The following ZNF385D variants were observed in gnomAD, a reference collection of about 807,000 sequenced individuals.
ZNF385D encodes zinc finger protein 659.
A neutral mutation model predicts 35.8 loss-of-function variants in ZNF385D; 15 were observed. The ratio of observed to expected loss-of-function variants is 0.42; its 90% CI spans 0.28 to 0.64. The LOEUF is 0.64. Ranked by LOEUF, ZNF385D falls within the 30% of genes least tolerant of loss-of-function variation. The probability of loss-of-function intolerance (pLI) is 0.23; values close to 1 mark genes in which losing one functional copy is unlikely to be tolerated. For synonymous variants in ZNF385D, 212 were observed against 186.8 expected (o/e 1.13, Z -1.10); for missense variants, 474 against 494.6 (o/e 0.96, Z 0.39).
intron 3 of ZNF385D, among the ~76,000 whole-genome samples, chr3:21,822,318 C>T (rs1045772144): frequency 2.9e-4 from 44 of 152,144 alleles, no homozygotes; most frequent in African/African-American, 9.6e-4. Context: ...GTGATTCACC[C>T]GCCTCAGCCT....
At chr3:21,747,660 A>C (rs1200087436) in intron 1 of ZNF385D, among the ~76,000 whole-genome samples, 1 of 152,146 alleles carries the variant, frequency 6.6e-6, no homozygotes, top group Non-Finnish European at 1.5e-5. Context: ...CACAGTTACA[A>C]CCTTCTGCCA....
At position 22,330,942 on chromosome 3, in the gene ZNF385D, T is replaced by C. The variant is rs952151055; in HGVS notation, c.106+41508A>G. On this transcript the variant is annotated intron_variant, in intron 2 of 5. Transcript: ENST00000494108. ...AGCCCAACTTTTGACTTGGCATGTCTTTCTGGGGTATGGCTATGTCCACCT... is the reference window on the plus strand; with the variant it reads ...AGCCCAACTTTTGACTTGGCATGTCCTTCTGGGGTATGGCTATGTCCACCT... Among the ~76,000 whole-genome samples the C allele has an allele frequency of 2.0e-5, 3 of 152,196 alleles. No homozygotes were observed. In the East Asian group the frequency reaches 5.8e-4, roughly 29 times the overall value.
chr3:22,290,156 C>T (rs1343196675), intron 2 of ZNF385D, among the ~76,000 whole-genome samples: 1 of 152,100 alleles, frequency 6.6e-6, no homozygotes, highest in Non-Finnish European at 1.5e-5. Context: ...TGTGAGGAAA[C>T]TTAGAGTGCT....
At chr3:21,511,142 C>T (rs1013894317) in intron 3 of ZNF385D, 119 bp from the exon 4 acceptor site, 46 of 1,273,880 alleles carry the variant, frequency 3.6e-5, no homozygotes, top group Middle Eastern at 2.8e-4. Context: ...TAATTCTGGC[C>T]GTGGCCAGAC....
At chr3:22,030,100 A>G (rs373931853) in intron 3 of ZNF385D, among the ~76,000 whole-genome samples, 19 of 151,288 alleles carry the variant, frequency 1.3e-4, no homozygotes, top group Admixed American at 5.9e-4. Flanking sequence ...CTCCCAGTCT[A>G]TATCTTTCTC....
intron 2 of ZNF385D, among the ~76,000 whole-genome samples, chr3:21,654,000 A>G (rs2065998432): frequency 6.6e-6 from 1 of 152,066 alleles, no homozygotes; most frequent in Non-Finnish European, 1.5e-5. Flanking sequence ...ATGTTTTGAT[A>G]AAACTGATTA....
At chr3:21,980,449 G>A (rs901575431) in intron 3 of ZNF385D, among the ~76,000 whole-genome samples, 2 of 152,126 alleles carry the variant, frequency 1.3e-5, no homozygotes, top group Non-Finnish European at 2.9e-5. Context: ...ATGAGTAATA[G>A]TAGCATTGAA....
At chr3:21,432,705 T>C (rs1398867425) in intron 5 of ZNF385D, among the ~76,000 whole-genome samples, 1 of 151,986 alleles carries the variant, frequency 6.6e-6, no homozygotes, top group Non-Finnish European at 1.5e-5. Context: ...TTTAAAAGAC[T>C]ATGTCCTCTT....
chr3:21,851,037 G>A (rs1032938838), intron 3 of ZNF385D, among the ~76,000 whole-genome samples: 1 of 151,820 alleles, frequency 6.6e-6, no homozygotes, highest in East Asian at 1.9e-4. Flanking sequence ...ATCTAGAAAT[G>A]AGAAAGATAA....
intron 1 of ZNF385D, among the ~76,000 whole-genome samples, chr3:21,724,650 G>A (rs561554638): frequency 5.3e-5 from 8 of 152,014 alleles, no homozygotes; most frequent in South Asian, 4.2e-4. Flanking sequence ...AAATATATAC[G>A]CACCCAGGAC....
intron 5 of ZNF385D, among the ~76,000 whole-genome samples, chr3:21,432,545 T>C (rs1701342587): frequency 6.6e-6 from 1 of 151,954 alleles, no homozygotes; most frequent in South Asian, 2.1e-4. Flanking sequence ...GGGAAAACCA[T>C]CAAAATTAGC....
At chr3:22,022,274 T>C (rs1697267230) in intron 3 of ZNF385D, among the ~76,000 whole-genome samples, 2 of 152,268 alleles carry the variant, frequency 1.3e-5, no homozygotes, top group Admixed American at 6.5e-5. Flanking sequence ...GCTATTATCA[T>C]GTTAACAGTT....
rs573222332 is a variant in ZNF385D, at chr3:21,573,895, A to G, written c.166-9211T>C. On this transcript the variant is annotated intron_variant, in intron 2 of 7. Transcript: ENST00000281523. ...GCCAACATGGTGAAACCCCATCTCTACTAAAAATACAAAAATTAGCTGGGT... is the reference window on the plus strand; with the variant it reads ...GCCAACATGGTGAAACCCCATCTCTGCTAAAAATACAAAAATTAGCTGGGT... Among the ~76,000 whole-genome samples, 13 of 151,994 alleles carry G rather than the reference A, an allele frequency of 8.6e-5. No individual in the cohort carries two copies. The South Asian group carries it at 2.7e-3, about 32-fold the overall frequency.
intron 2 of ZNF385D, among the ~76,000 whole-genome samples, chr3:22,349,340 A>C (rs1042607648): frequency 5.3e-5 from 8 of 152,306 alleles, no homozygotes; most frequent in Admixed American, 5.2e-4. Context: ...CAATGTGAAT[A>C]GTGTTCCTAG....
chr3:21,641,361 G>C (rs983983828), intron 2 of ZNF385D, among the ~76,000 whole-genome samples: 1 of 151,862 alleles, frequency 6.6e-6, no homozygotes, highest in Non-Finnish European at 1.5e-5. Flanking sequence ...AAAAGAGAGG[G>C]AGTGAGCAGA....
At chr3:21,706,420 G>A (rs2067901467) in intron 1 of ZNF385D, among the ~76,000 whole-genome samples, 3 of 151,996 alleles carry the variant, frequency 2.0e-5, no homozygotes, top group African/African-American at 7.2e-5. Context: ...TACATCTTTT[G>A]GTAAAAACTA....
intron 2 of ZNF385D, among the ~76,000 whole-genome samples, chr3:22,170,036 T>A (rs146316182): frequency 6.6e-5 from 10 of 152,202 alleles, no homozygotes; most frequent in Non-Finnish European, 1.2e-4. Flanking sequence ...AAAATAATAA[T>A]ACCTCATTTC....
chr3:21,820,976 C>G (rs889689325), intron 3 of ZNF385D, among the ~76,000 whole-genome samples: 1 of 151,040 alleles, frequency 6.6e-6, no homozygotes. Flanking sequence ...ATTACAAAAC[C>G]GATTAAAAAA....
At chr3:21,694,005 C>CAA (rs1559525298) in intron 1 of ZNF385D, among the ~76,000 whole-genome samples, 1 of 128,422 alleles carries the variant, frequency 7.8e-6, no homozygotes, top group Non-Finnish European at 1.6e-5. Context: ...CAGCCTCCTG[C>CAA]GTAGCTGGGA....
Sources: allele counts gnomAD v4.1 joint callset (sites outside exome capture counted in the v4.1 genomes callset), GRCh38; gene constraint gnomAD v4.1.1; transcripts MANE v1.5; gene names NCBI Gene and HGNC (gene_info 2026-07-23, HGNC 2026-07-21).